TMEM132B: variants seen among roughly 807,000 people sequenced by gnomAD.
TMEM132B encodes transmembrane protein 132B.
In TMEM132B, 18 loss-of-function variants were observed where a neutral mutation model predicts 90.8. The observed-to-expected ratio is 0.20, with a 90% CI of 0.14 to 0.29. The LOEUF is 0.29. Ranked by LOEUF, TMEM132B falls within the 10% of genes least tolerant of loss-of-function variation. The pLI, the probability that TMEM132B is intolerant of heterozygous loss-of-function variation, is 1.00. For synonymous variants in TMEM132B, 504 were observed against 523.3 expected (o/e 0.96, Z 0.50); for missense variants, 1,096 against 1,326.8 (o/e 0.83, Z 2.70).
At chr12:125,605,392 GTC>G (rs1403345873) in intron 5 of TMEM132B, among the ~76,000 whole-genome samples, 1 of 152,082 alleles carries the variant, frequency 6.6e-6, no homozygotes, top group Non-Finnish European at 1.5e-5. Context: ...ACTGCAACAA[GTC>G]TCTATATTGT....
At chr12:125,494,747 C>T (rs1882488810) in intron 3 of TMEM132B, among the ~76,000 whole-genome samples, 2 of 114,344 alleles carry the variant, frequency 1.7e-5, no homozygotes, top group African/African-American at 6.9e-5. Context: ...GCGTCCCCTC[C>T]TCTCCCTCCT....
intron 1 of TMEM132B, among the ~76,000 whole-genome samples, chr12:125,314,550 GC>G (rs1371376622): frequency 6.6e-6 from 1 of 152,158 alleles, no homozygotes; most frequent in Non-Finnish European, 1.5e-5. Context: ...GCTCAGAGGG[GC>G]TCAGCTACTA....
rs540116815 is a variant in TMEM132B at position 125,445,161 on chromosome 12, G to GA, written c.1106+29494dup. The stretch of plus-strand genomic sequence containing the variant: ...GCTACATTGATTTTCCTCTCCAATG[G>GA]AAAAAAAAAACTTTTCAGATATTTA... On this transcript the variant is annotated intron_variant, in intron 3 of 8. Transcript: ENST00000682704. The surrounding 1 kb of genome is among the most constrained non-coding windows in gnomAD (Gnocchi z 4.3). Among the ~76,000 whole-genome samples the GA allele has an allele frequency of 6.2e-4, 92 of 147,946 alleles. No homozygotes were observed. Among genetic ancestry groups the GA allele is most frequent in the African/African-American group, 2.0e-3 (79 of 40,386 alleles).
In TMEM132B at chr12:125,422,821, G is replaced by A. The variant is rs374621471; in HGVS notation, c.1106+7144G>A. Among the ~76,000 whole-genome samples the A allele has an allele frequency of 1.1e-3, 175 of 152,292 alleles. 2 individuals are homozygous for A. In the South Asian group the frequency reaches 0.034, roughly 30 times the overall value. On this transcript the variant is annotated intron_variant, in intron 3 of 8. Coordinates refer to ENST00000682704, the MANE Select transcript of TMEM132B (RefSeq NM_001366854.1). The stretch of plus-strand genomic sequence containing the variant: ...ACACTGATTGTCCCCTGGAGCCCTC[G>A]GCAGGAGCACGTTTCTTTCAACACC...
chr12:125,559,262 G>T (rs995068647), intron 4 of TMEM132B, among the ~76,000 whole-genome samples: 2 of 152,144 alleles, frequency 1.3e-5, no homozygotes, highest in African/African-American at 4.8e-5. Flanking sequence ...CCACTCAGGA[G>T]GCTGAAGTGA....
At chr12:125,594,984 T>C (rs1050588562) in intron 5 of TMEM132B, among the ~76,000 whole-genome samples, 6 of 152,078 alleles carry the variant, frequency 3.9e-5, no homozygotes, top group African/African-American at 1.4e-4. Flanking sequence ...GAAGAATGAA[T>C]GGATGCCATT....
chr12:125,543,694 A>G (rs1884016780), intron 4 of TMEM132B, among the ~76,000 whole-genome samples: 1 of 152,198 alleles, frequency 6.6e-6, no homozygotes, highest in African/African-American at 2.4e-5. Flanking sequence ...AGAAGATTAT[A>G]AACATCAGAT....
At chr12:125,461,638 C>T (rs1156804520) in intron 3 of TMEM132B, among the ~76,000 whole-genome samples, 1 of 152,232 alleles carries the variant, frequency 6.6e-6, no homozygotes, top group African/African-American at 2.4e-5. Context: ...CAACAGAAAA[C>T]ACATCTTCAT....
Position 125,584,128 on chromosome 12 carries a change from G to A in TMEM132B, c.1437+134G>A, listed in dbSNP as rs943865561. On this transcript the variant is annotated intron_variant, in intron 5 of 8. Transcript: ENST00000682704. ...TGGAGGCCAGAATGACCTCACGAAG[G>A]AGGAAACAGCTGACCGCAGAGACTC... The A allele has an allele frequency of 7.5e-6, 10 of 1,335,150 alleles. No individual in the cohort carries two copies. The African/African-American group carries it at 1.2e-4, about 15-fold the overall frequency. The allele number at this position is 1,335,150 out of a possible 1,614,324, so 82.7% of individuals were successfully genotyped here.
chr12:125,353,109 C>A (rs535426617), intron 2 of TMEM132B, among the ~76,000 whole-genome samples: 166 of 152,328 alleles, frequency 1.1e-3, no homozygotes, highest in Non-Finnish European at 1.1e-3. Flanking sequence ...CAAGGGATGG[C>A]TTCACTGCCT....
At chr12:125,333,716 C>T (rs1305277967) in intron 1 of TMEM132B, among the ~76,000 whole-genome samples, 1 of 152,190 alleles carries the variant, frequency 6.6e-6, no homozygotes, top group Admixed American at 6.5e-5. Context: ...AGAATGCATG[C>T]ACAGCCTAGT....
chr12:125,467,836 A>T (rs1419306775), intron 3 of TMEM132B, among the ~76,000 whole-genome samples: 1 of 152,186 alleles, frequency 6.6e-6, no homozygotes. Context: ...TGGACATTTC[A>T]TGTAAATGGA....
At chr12:125,520,204 C>T (rs1566061729) in intron 4 of TMEM132B, among the ~76,000 whole-genome samples, 1 of 152,176 alleles carries the variant, frequency 6.6e-6, no homozygotes, top group African/African-American at 2.4e-5. Flanking sequence ...CATAGTCAAG[C>T]TCAGGGGCTA....
At chr12:125,306,410 C>G (rs558810503) in intron 1 of TMEM132B, among the ~76,000 whole-genome samples, 31 of 152,276 alleles carry the variant, frequency 2.0e-4, no homozygotes, top group African/African-American at 6.7e-4. Context: ...CATGACATCT[C>G]TACCTGGACG....
intron 3 of TMEM132B, among the ~76,000 whole-genome samples, chr12:125,468,739 C>T (rs1264064379): frequency 6.6e-6 from 1 of 152,130 alleles, no homozygotes; most frequent in Admixed American, 6.5e-5. Flanking sequence ...CATGGGATGT[C>T]TTTCCATTTA....
chr12:125,641,567 A>G (rs1435600126), intron 5 of TMEM132B, among the ~76,000 whole-genome samples: 1 of 152,246 alleles, frequency 6.6e-6, no homozygotes, highest in Non-Finnish European at 1.5e-5. Context: ...AAGATAGTCA[A>G]CATAAAGAAT....
rs1880829130 is a variant in TMEM132B, at chr12:125,440,225, T to G, written c.1106+24548T>G. The stretch of plus-strand genomic sequence containing the variant: ...AGTTGTTGTATTTCTTGTTCTGGAT[T>G]GGCATTCTTCTGGCTTGATTTCATG... On this transcript the variant is annotated intron_variant, in intron 3 of 8. Transcript: ENST00000682704. Among the ~76,000 whole-genome samples, 3 of 152,230 alleles carry G rather than the reference T, an allele frequency of 2.0e-5. No homozygotes were observed. In the South Asian group the frequency reaches 6.2e-4, roughly 31 times the overall value.
chr12:125,530,166 G>A (rs959830201), intron 4 of TMEM132B, among the ~76,000 whole-genome samples: 1 of 151,702 alleles, frequency 6.6e-6, no homozygotes, highest in South Asian at 2.1e-4. Context: ...GAGCCCTTTT[G>A]TGCTAATATG....
rs566183316 is a variant in TMEM132B at position 125,211,474 on chromosome 12, C to T, written c.67+24608C>T. On this transcript the variant is annotated intron_variant, in intron 1 of 8. Transcript: ENST00000682704. ...TGGGGCACAGCCCACTGAGGGGGAG[C>T]GAGGCTGCTCCGAGCAGACCAGCTG... Among the ~76,000 whole-genome samples, 10 of 152,286 alleles carry T rather than the reference C, an allele frequency of 6.6e-5. 1 individual carries two copies. The East Asian group carries it at 1.7e-3, about 26-fold the overall frequency.
Sources: gnomAD v4.1 joint callset for allele counts (sites outside exome capture counted in the v4.1 genomes callset) on GRCh38, gnomAD v4.1.1 for gene constraint, Gnocchi (gnomAD v3.1) non-coding constraint, MANE v1.5 for transcripts, NCBI Gene and HGNC (gene_info 2026-07-23, HGNC 2026-07-21) for gene names.